The following PDE1A variants were observed in gnomAD, a reference collection of about 807,000 sequenced individuals.
PDE1A encodes phosphodiesterase 1A.
PDE1A carries 35 observed loss-of-function variants against 61.7 expected under a neutral mutation model. The ratio of observed to expected loss-of-function variants is 0.57; its 90% CI spans 0.43 to 0.75. PDE1A has a LOEUF of 0.75. PDE1A is among the 30% of genes least tolerant of loss of function. PDE1A has a pLI of 0.00. For synonymous variants in PDE1A, 232 were observed against 213.2 expected, an observed-to-expected ratio of 1.09 and a Z score of -0.77; for missense variants, 597 against 630.6, an observed-to-expected ratio of 0.95 and a Z score of 0.57.
intron 1 of PDE1A, among the ~76,000 whole-genome samples, chr2:182,365,321 A>C (rs936026162): frequency 2.6e-5 from 4 of 152,058 alleles, no homozygotes; most frequent in African/African-American, 4.8e-5. Flanking sequence ...AACCATTAAA[A>C]TAACTCATTA....
At chr2:182,588,137 T>C in the PDE1A span, among the ~76,000 whole-genome samples, 5 of 152,222 alleles carry the variant, frequency 3.3e-5, no homozygotes, top group Non-Finnish European at 7.3e-5. Context: ...CTTTGTGGAA[T>C]ATGTCTATTT....
At chr2:182,414,889 T>G (rs980812795) in intron 1 of PDE1A, among the ~76,000 whole-genome samples, 1 of 152,102 alleles carries the variant, frequency 6.6e-6, no homozygotes, top group African/African-American at 2.4e-5. Context: ...TCTACATCAA[T>G]TTGTCTAAAA....
At chr2:182,214,318 T>G (rs1445764135) in intron 7 of PDE1A, among the ~76,000 whole-genome samples, 2 of 151,336 alleles carry the variant, frequency 1.3e-5, no homozygotes, top group Admixed American at 1.3e-4. Context: ...TCATGCCAAA[T>G]TGTAAAGACC....
At chr2:182,289,897 CT>C (rs1337413330) in intron 1 of PDE1A, among the ~76,000 whole-genome samples, 1 of 151,974 alleles carries the variant, frequency 6.6e-6, no homozygotes, top group Non-Finnish European at 1.5e-5. Flanking sequence ...GTAATCTCAT[CT>C]TGAGACAGAC....
chr2:182,179,588 A>C (rs1684572955), intron 13 of PDE1A, among the ~76,000 whole-genome samples: 2 of 152,134 alleles, frequency 1.3e-5, no homozygotes, highest in African/African-American at 4.8e-5. Flanking sequence ...AGGGCATGGC[A>C]AGATCATATA....
At chr2:182,505,912 A>G (rs1042802097) in intron 2 of PDE1A, among the ~76,000 whole-genome samples, 1 of 152,246 alleles carries the variant, frequency 6.6e-6, no homozygotes, top group African/African-American at 2.4e-5. Context: ...GGAAAACTCA[A>G]GATATTGAAG....
chr2:182,662,041 A>G, the PDE1A span, among the ~76,000 whole-genome samples: 1 of 152,074 alleles, frequency 6.6e-6, no homozygotes, highest in Non-Finnish European at 1.5e-5. Context: ...AGCCAAAACC[A>G]TTTTGAAAAA....
chr2:182,147,646 A>C (rs1237694524), intron 13 of PDE1A, among the ~76,000 whole-genome samples: 1 of 152,200 alleles, frequency 6.6e-6, no homozygotes, highest in African/African-American at 2.4e-5. Flanking sequence ...AACTTTCAAG[A>C]AAAATAAAAT....
At chr2:182,508,732 T>A (rs565377967) in intron 2 of PDE1A, among the ~76,000 whole-genome samples, 3 of 148,560 alleles carry the variant, frequency 2.0e-5, no homozygotes, top group African/African-American at 5.0e-5. Flanking sequence ...AAATTTCTTT[T>A]TTTTTTTATT....
chr2:182,337,400 T>C (rs1482564289), intron 1 of PDE1A, among the ~76,000 whole-genome samples: 1 of 152,240 alleles, frequency 6.6e-6, no homozygotes, highest in Non-Finnish European at 1.5e-5. Context: ...ATTTACCATC[T>C]AAATGGTAGA....
chr2:182,213,525 A>G (rs2125548969), intron 7 of PDE1A, among the ~76,000 whole-genome samples: 1 of 96,990 alleles, frequency 1.0e-5, no homozygotes, highest in Non-Finnish European at 2.1e-5. Context: ...TTGAAAAAAA[A>G]TTTAGAAGAA....
intron 1 of PDE1A, among the ~76,000 whole-genome samples, chr2:182,338,300 A>G (rs1185230555): frequency 6.6e-6 from 1 of 152,242 alleles, no homozygotes; most frequent in African/African-American, 2.4e-5. Flanking sequence ...TAAAATAGGT[A>G]TAATATCACT....
At chr2:182,392,106 G>T (rs1048096506) in intron 1 of PDE1A, among the ~76,000 whole-genome samples, 1 of 152,128 alleles carries the variant, frequency 6.6e-6, no homozygotes, top group Non-Finnish European at 1.5e-5. Flanking sequence ...TTACTAGGGT[G>T]TATCAGTCCA....
At chr2:182,243,038 T>C (rs1469873278) in intron 2 of PDE1A, among the ~76,000 whole-genome samples, 1 of 151,968 alleles carries the variant, frequency 6.6e-6, no homozygotes, top group Non-Finnish European at 1.5e-5. Context: ...ATAAATAAAA[T>C]AGAATATAAA....
At chr2:182,531,304 A>G in the PDE1A span, among the ~76,000 whole-genome samples, 1 of 151,882 alleles carries the variant, frequency 6.6e-6, no homozygotes, top group Admixed American at 6.6e-5. Context: ...TTAAATGTAA[A>G]TGATCTAAAT....
intron 13 of PDE1A, among the ~76,000 whole-genome samples, chr2:182,153,754 T>C (rs1424056195): frequency 1.3e-5 from 2 of 152,168 alleles, no homozygotes; most frequent in Non-Finnish European, 2.9e-5. Context: ...ATTTGGCTCG[T>C]AGAGGCAAGT....
At chr2:182,145,729 C>A (rs1249611086), downstream of PDE1A, among the ~76,000 whole-genome samples, 1 of 151,430 alleles carries the variant, frequency 6.6e-6, no homozygotes, top group African/African-American at 2.4e-5. Flanking sequence ...ACTCGGTCTC[C>A]AAAAATAAAA....
chr2:182,358,644 G>A (rs963969621), intron 1 of PDE1A, among the ~76,000 whole-genome samples: 1 of 152,036 alleles, frequency 6.6e-6, no homozygotes, highest in Admixed American at 6.6e-5. Context: ...CGAGTTTTTT[G>A]GTAGCAACAA....
the PDE1A span, among the ~76,000 whole-genome samples, chr2:182,595,756 C>T: frequency 2.6e-5 from 4 of 152,200 alleles, no homozygotes; most frequent in African/African-American, 9.6e-5. Context: ...CTTGATATGA[C>T]TTGCTGGTGG....
Sources: allele counts gnomAD v4.1 joint callset (sites outside exome capture counted in the v4.1 genomes callset), GRCh38; gene constraint gnomAD v4.1.1; transcripts MANE v1.5; gene names NCBI Gene and HGNC (gene_info 2026-07-23, HGNC 2026-07-21).